ANKRD26: variants seen among roughly 807,000 people sequenced by gnomAD.
ANKRD26 encodes ankyrin repeat domain 26, also known as ankyrin repeat domain-containing protein 26.
Under a neutral mutation model 208.7 loss-of-function variants are expected in ANKRD26, and 141 were observed. That is an observed-to-expected ratio of 0.68 (90% CI 0.59 to 0.78). ANKRD26 has a LOEUF of 0.78. Ranked by LOEUF, ANKRD26 falls within the 30% of genes least tolerant of loss-of-function variation. The pLI is 0.00. For synonymous variants in ANKRD26, 636 were observed against 660.4 expected (o/e 0.96, Z 0.57); for missense variants, 1,889 against 1,938.7 (o/e 0.97, Z 0.48).
chr10:26,990,608 G>A (rs1050095995), downstream of ANKRD26, among the ~76,000 whole-genome samples: 5 of 152,050 alleles, frequency 3.3e-5, no homozygotes, highest in Admixed American at 1.3e-4. Flanking sequence ...AACCTAATCC[G>A]AGCCATGTCT....
chr10:27,071,291 G>A (rs940915751), intron 9 of ANKRD26, among the ~76,000 whole-genome samples: 11 of 146,454 alleles, frequency 7.5e-5, no homozygotes, highest in East Asian at 2.1e-4. Context: ...TCAGCCTCCC[G>A]AGGAGCTGGG....
At chr10:26,972,629 C>G (rs991051196), downstream of ANKRD26, among the ~76,000 whole-genome samples, 7 of 137,326 alleles carry the variant, frequency 5.1e-5, no homozygotes, top group African/African-American at 1.4e-4. Context: ...CTCACTCTGT[C>G]GCCCAGGCTG....
At chr10:26,994,007 G>A (rs1405359433) in intron 5 of ANKRD26, among the ~76,000 whole-genome samples, 6 of 152,186 alleles carry the variant, frequency 3.9e-5, no homozygotes, top group African/African-American at 1.4e-4. Flanking sequence ...AGACAAGGCT[G>A]GTGCCTGGTT....
chr10:27,046,254 C>T lies in ANKRD26; in HGVS notation c.1985+99G>A, dbSNP rs1161419579. ...AATCTTTCAGCAGCATGGAAACAGT[C>T]GATATTCTCTAGCTTTGGGAGACTA... On this transcript the variant is annotated intron_variant, in intron 18 of 33. Coordinates refer to ENST00000376087, the MANE Select transcript of ANKRD26 (RefSeq NM_014915.3). 7 of 1,195,312 alleles carry T rather than the reference C, an allele frequency of 5.9e-6. No individual in the cohort carries two copies. In the East Asian group the frequency reaches 1.0e-4, roughly 17 times the overall value. The allele number at this position is 1,195,312 out of a possible 1,614,324, so 74.0% of individuals were successfully genotyped here.
intron 11 of ANKRD26, among the ~76,000 whole-genome samples, chr10:27,064,750 T>G (rs77745620): frequency 0.081 from 12,267 of 152,132 alleles, 581 homozygotes; most frequent in African/African-American, 0.13. Context: ...TAAGAAAAAT[T>G]TTGCTTTATG....
At chr10:27,059,101 A>G (rs2054953697) in intron 15 of ANKRD26, among the ~76,000 whole-genome samples, 1 of 151,448 alleles carries the variant, frequency 6.6e-6, no homozygotes, top group Non-Finnish European at 1.5e-5. Flanking sequence ...TTTTTGGTAA[A>G]GATGGGGTTT....
intron 23 of ANKRD26, among the ~76,000 whole-genome samples, chr10:27,036,453 A>G (rs952509888): frequency 6.6e-6 from 1 of 152,104 alleles, no homozygotes; most frequent in Non-Finnish European, 1.5e-5. Context: ...TAAATACAAA[A>G]GAAGCCTTTT....
exon 6 of ANKRD26, among the ~76,000 whole-genome samples, chr10:26,974,153 C>A (rs2052189813): frequency 6.6e-6 from 1 of 152,056 alleles, no homozygotes; most frequent in Non-Finnish European, 1.5e-5. Flanking sequence ...TAACCCCTTT[C>A]CTGAAAAATA....
chr10:27,091,534 G>C lies in ANKRD26; in HGVS notation c.638+872C>G, dbSNP rs535827985. 2.6e-5 allele frequency among the ~76,000 whole-genome samples: 4 copies of C among 152,170 alleles called. No homozygotes were observed. The South Asian group carries it at 8.3e-4, about 32-fold the overall frequency. On this transcript the variant is annotated intron_variant, in intron 4 of 33. Transcript: ENST00000376087. The stretch of plus-strand genomic sequence containing the variant: ...GCAATAGCGATCAACAATCACCTAG[G>C]GATAACCTAACATCCGTACTCTTCA...
At chr10:27,090,209 G>A (rs2056254997) in intron 4 of ANKRD26, among the ~76,000 whole-genome samples, 1 of 152,122 alleles carries the variant, frequency 6.6e-6, no homozygotes, top group African/African-American at 2.4e-5. Flanking sequence ...ACTTTGGGAG[G>A]CCAAAGCGGG....
At chr10:27,086,349 A>T (rs1293256261) in intron 5 of ANKRD26, among the ~76,000 whole-genome samples, 190 bp downstream of exon 5, 2 of 152,222 alleles carry the variant, frequency 1.3e-5, no homozygotes, top group African/African-American at 4.8e-5. Context: ...ACCATTTGGC[A>T]TCATAAATAT....
the ANKRD26 span, among the ~76,000 whole-genome samples, chr10:26,949,292 T>G: frequency 6.6e-6 from 1 of 152,128 alleles, no homozygotes; most frequent in Non-Finnish European, 1.5e-5. Flanking sequence ...CCTCATTTTT[T>G]TGGAAAATAC....
Position 27,063,989 on chromosome 10 carries a change from T to G in ANKRD26, c.1362A>C (p.Glu454Asp), listed in dbSNP as rs201540032. 3.1e-5 allele frequency: 49 copies of G among 1,602,356 alleles called. No homozygotes were observed. Among genetic ancestry groups the G allele is most frequent in the Non-Finnish European group, 3.8e-5 (44 of 1,172,692 alleles). The stretch of plus-strand genomic sequence containing the variant: ...TTAAAAATGAAATATAGCTCTTACC[T>G]TCTGCTTGTTCATTTCCTATATTTT... ...KEKNIGNEQA[E>D]DVFYIPSCMS... The change falls in exon 12 of 34, where the codon GAA becomes GAC. Residue 454 changes from glutamate (E) to aspartate (D), a missense_variant and splice_region_variant. This residue lies in a region of ANKRD26 where 1,272 missense variants were observed against 1,273.8 expected (regional missense o/e 1.00). Coordinates refer to ENST00000376087, the MANE Select transcript of ANKRD26 (RefSeq NM_014915.3).
the ANKRD26 span, among the ~76,000 whole-genome samples, chr10:26,966,816 G>A: frequency 1.3e-5 from 2 of 152,076 alleles, no homozygotes; most frequent in African/African-American, 4.8e-5. Context: ...AGATCCAGTG[G>A]CATTACGGTG....
At chr10:27,049,476 T>C (rs936423875) in intron 16 of ANKRD26, among the ~76,000 whole-genome samples, 8 of 152,206 alleles carry the variant, frequency 5.3e-5, no homozygotes, top group Admixed American at 1.3e-4. Flanking sequence ...CTTTTTTTCG[T>C]TTGGATCCTG....
chr10:27,093,602 A>C (rs924681328), intron 2 of ANKRD26, 80 bp from the exon 3 acceptor site: 34 of 1,596,088 alleles, frequency 2.1e-5, no homozygotes, highest in Admixed American at 8.3e-5. Context: ...CCAATTAGTT[A>C]TATTTTAATG....
intron 32 of ANKRD26, among the ~76,000 whole-genome samples, chr10:27,008,800 C>T (rs1228438396): frequency 6.6e-6 from 1 of 152,060 alleles, no homozygotes; most frequent in Non-Finnish European, 1.5e-5. Context: ...AGTGGCCTCC[C>T]GCTACATAAA....
chr10:27,001,621 C>T (rs144914392), downstream of ANKRD26, among the ~76,000 whole-genome samples: 2 of 152,182 alleles, frequency 1.3e-5, no homozygotes, highest in African/African-American at 4.8e-5. Flanking sequence ...GCCGCCCCCA[C>T]CCTAATCTTT....
At chr10:26,968,687 T>C in the ANKRD26 span, among the ~76,000 whole-genome samples, 2 of 152,234 alleles carry the variant, frequency 1.3e-5, no homozygotes, top group African/African-American at 4.8e-5. Flanking sequence ...CTGACTTTGA[T>C]GAGTTTCTTG....
Sources: allele counts gnomAD v4.1 joint callset (sites outside exome capture counted in the v4.1 genomes callset), GRCh38; gene constraint gnomAD v4.1.1; regional missense constraint gnomAD v4.1.1; transcripts MANE v1.5; gene names NCBI Gene and HGNC (gene_info 2026-07-23, HGNC 2026-07-21).